DENND1B: variants seen among roughly 807,000 people sequenced by gnomAD.
The protein encoded by DENND1B is DENN domain-containing protein 1B.
In DENND1B, 59 loss-of-function variants were observed where a neutral mutation model predicts 90.1. That is an observed-to-expected ratio of 0.65 (90% confidence interval 0.53 to 0.81). The LOEUF is 0.81. Among genes scored for constraint, DENND1B ranks in the 40% least tolerant of loss-of-function variants. The pLI is 0.00. For synonymous variants in DENND1B, 337 were observed against 324.6 expected (o/e 1.04, Z -0.41); for missense variants, 862 against 912.6 (o/e 0.94, Z 0.71).
rs1357603688 is a variant in DENND1B, at chr1:197,715,043, G to T, written c.114C>A (p.Asp38Glu). The change falls in exon 3 of 23, where the codon GAC becomes GAA. Residue 38 changes from aspartate to glutamate, a missense_variant. Asp to Glu is a conservative substitution (Grantham distance 45, BLOSUM62 2). Transcript: ENST00000620048. ...DPVVLWKFPE[D>E]FGDQEILQSV... ...ATGTGGTACCAACCTGGTCTCCAAA[G>T]TCCTCTGGGAATTTCCACAATACCA... 3 of 1,611,102 alleles carry T rather than the reference G, an allele frequency of 1.9e-6. No homozygotes were observed. The African/African-American group carries it at 4.0e-5, about 22-fold the overall frequency.
chr1:197,679,352 A>G (rs1237850784), intron 3 of DENND1B, among the ~76,000 whole-genome samples: 1 of 151,288 alleles, frequency 6.6e-6, no homozygotes, highest in South Asian at 2.1e-4. Flanking sequence ...GATTAAAAAT[A>G]TTTGGAAAAA....
chr1:197,694,931 G>T (rs150373512), intron 3 of DENND1B, among the ~76,000 whole-genome samples: 3 of 151,276 alleles, frequency 2.0e-5, no homozygotes, highest in South Asian at 4.2e-4. Flanking sequence ...TAAAATGTAC[G>T]CAAAAATATT....
intron 2 of DENND1B, among the ~76,000 whole-genome samples, chr1:197,718,780 T>C (rs977938177): frequency 1.3e-5 from 2 of 151,936 alleles, no homozygotes; most frequent in African/African-American, 4.8e-5. Flanking sequence ...ATCTTGAAGG[T>C]TAAAAGAAAG....
intron 2 of DENND1B, among the ~76,000 whole-genome samples, chr1:197,755,423 C>T (rs1326915987): frequency 1.3e-5 from 2 of 149,786 alleles, no homozygotes; most frequent in Non-Finnish European, 1.5e-5. Flanking sequence ...TAGTATACTG[C>T]CCAACAGAAA....
intron 20 of DENND1B, among the ~76,000 whole-genome samples, chr1:197,527,026 A>T (rs1023223603): frequency 2.0e-5 from 3 of 152,194 alleles, no homozygotes; most frequent in Non-Finnish European, 4.4e-5. Context: ...CAAATTTAAT[A>T]TTTTGGAAAT....
intron 10 of DENND1B, among the ~76,000 whole-genome samples, chr1:197,622,110 A>G (rs1298676532): frequency 3.3e-5 from 5 of 151,428 alleles, no homozygotes; most frequent in Non-Finnish European, 7.4e-5. Flanking sequence ...CAGTTAACTC[A>G]GTCATAGAAC....
At chr1:197,651,645 C>CTTTT (rs34012616) in intron 7 of DENND1B, among the ~76,000 whole-genome samples, 37 of 61,570 alleles carry the variant, frequency 6.0e-4, no homozygotes, top group Non-Finnish European at 7.3e-4. Flanking sequence ...ATCAATGCTT[C>CTTTT]TTTTTTTTTT....
chr1:197,704,991 T>A (rs963891932), intron 3 of DENND1B, among the ~76,000 whole-genome samples: 15 of 152,190 alleles, frequency 9.9e-5, no homozygotes, highest in Non-Finnish European at 1.6e-4. Context: ...TACTATCTCC[T>A]ATTAGCCCTG....
intron 20 of DENND1B, among the ~76,000 whole-genome samples, chr1:197,519,290 T>G (rs1668608126): frequency 6.6e-6 from 1 of 151,914 alleles, no homozygotes; most frequent in South Asian, 2.1e-4. Flanking sequence ...TCTGAATAAA[T>G]GAATATCTTT....
At chr1:197,610,067 A>G (rs1677042195) in intron 12 of DENND1B, among the ~76,000 whole-genome samples, 2 of 150,808 alleles carry the variant, frequency 1.3e-5, no homozygotes, top group Admixed American at 6.6e-5. Flanking sequence ...ATGATATCCA[A>G]TTGTTTTAAA....
chr1:197,738,408 G>A (rs1662913017), intron 2 of DENND1B, among the ~76,000 whole-genome samples: 1 of 152,188 alleles, frequency 6.6e-6, no homozygotes, highest in Non-Finnish European at 1.5e-5. Flanking sequence ...TGGGTTTTCA[G>A]TAGTTGCATC....
intron 15 of DENND1B, 28 bp downstream of exon 15, chr1:197,583,124 A>T: frequency 6.3e-7 from 1 of 1,597,002 alleles, no homozygotes; most frequent in South Asian, 1.1e-5. Context: ...TTGTCTTACA[A>T]AAGAAAAATG....
intron 10 of DENND1B, among the ~76,000 whole-genome samples, chr1:197,630,388 G>A (rs1679220173): frequency 6.6e-6 from 1 of 152,070 alleles, no homozygotes; most frequent in African/African-American, 2.4e-5. Context: ...TCACACGGCA[G>A]GAGGGACTGA....
At position 197,672,271 on chromosome 1, in the gene DENND1B, G is replaced by T. The variant is rs192860656; in HGVS notation, c.177-115C>A. 4 of 1,253,460 alleles carry T rather than the reference G, an allele frequency of 3.2e-6. No homozygotes were observed. In the Admixed American group the frequency reaches 8.8e-5, roughly 28 times the overall value. The allele number at this position is 1,253,460 out of a possible 1,614,324, so 77.6% of individuals were successfully genotyped here. On this transcript the variant is annotated intron_variant, in intron 4 of 22. Coordinates refer to ENST00000620048, the MANE Select transcript of DENND1B (RefSeq NM_001195215.2). Reference sequence around the variant, plus strand: ...TTGGTTTCATCTTTCTAATCAGTTGGTTCTTGAAGCTAGAACTATGTTCTA... The same window carrying T: ...TTGGTTTCATCTTTCTAATCAGTTGTTTCTTGAAGCTAGAACTATGTTCTA...
intron 2 of DENND1B, among the ~76,000 whole-genome samples, chr1:197,716,642 G>GT (rs751254516): frequency 2.6e-5 from 4 of 151,786 alleles, no homozygotes; most frequent in Non-Finnish European, 5.9e-5. Context: ...TTAAATGAAA[G>GT]TTTTTATCTT....
intron 15 of DENND1B, among the ~76,000 whole-genome samples, chr1:197,568,468 A>G (rs562818017): frequency 1.3e-5 from 2 of 152,264 alleles, no homozygotes; most frequent in East Asian, 3.9e-4. Context: ...CAAGGTTCCA[A>G]TGATATTTTT....
At chr1:197,575,667 G>T (rs1161721540) in intron 15 of DENND1B, among the ~76,000 whole-genome samples, 1 of 152,144 alleles carries the variant, frequency 6.6e-6, no homozygotes, top group Non-Finnish European at 1.5e-5. Flanking sequence ...CAATAGCAAA[G>T]ACTTGGAAAC....
intron 20 of DENND1B, among the ~76,000 whole-genome samples, chr1:197,530,977 G>A (rs1669571195): frequency 6.6e-6 from 1 of 151,962 alleles, no homozygotes; most frequent in Non-Finnish European, 1.5e-5. Flanking sequence ...CAACATAAAG[G>A]CATGACAATA....
intron 3 of DENND1B, among the ~76,000 whole-genome samples, chr1:197,682,484 G>A (rs1357541237): frequency 6.6e-6 from 1 of 152,074 alleles, no homozygotes; most frequent in Admixed American, 6.6e-5. Flanking sequence ...TAATTTTTAT[G>A]TATATTCACT....
Sources: gnomAD v4.1 joint callset for allele counts (sites outside exome capture counted in the v4.1 genomes callset) on GRCh38, gnomAD v4.1.1 for gene constraint, MANE v1.5 for transcripts, NCBI Gene and HGNC (gene_info 2026-07-23, HGNC 2026-07-21) for gene names.